SGCZ: variants seen among roughly 807,000 people sequenced by gnomAD.
SGCZ encodes zeta-sarcoglycan.
In SGCZ, 40 loss-of-function variants were observed where a neutral mutation model predicts 41.3. The ratio of observed to expected loss-of-function variants is 0.97; its 90% CI spans 0.75 to 1.26. The LOEUF (loss-of-function observed/expected upper bound fraction) is 1.26, where lower values mean the gene tolerates loss of function less well. Ranked by LOEUF, SGCZ falls within the 50% of genes most tolerant of loss-of-function variation. The pLI, the probability that SGCZ is intolerant of heterozygous loss-of-function variation, is 0.00. For synonymous variants in SGCZ, 206 were observed against 137.5 expected (o/e 1.50, Z -3.49); for missense variants, 552 against 369.8 (o/e 1.49, Z -4.04).
intron 1 of SGCZ, among the ~76,000 whole-genome samples, chr8:14,878,251 G>A (rs771725528): frequency 7.5e-5 from 11 of 147,550 alleles, no homozygotes; most frequent in Non-Finnish European, 1.5e-4. Context: ...AAGACAATTC[G>A]ACACTTACTA....
intron 7 of SGCZ, among the ~76,000 whole-genome samples, chr8:14,096,364 A>T (rs555436727): frequency 3.8e-4 from 57 of 151,394 alleles, no homozygotes; most frequent in African/African-American, 1.3e-3. Flanking sequence ...AGATAAACAG[A>T]ACCAATGACA....
chr8:15,173,449 C>G (rs1213534586), intron 1 of SGCZ, among the ~76,000 whole-genome samples: 3 of 152,100 alleles, frequency 2.0e-5, no homozygotes, highest in Non-Finnish European at 4.4e-5. Context: ...AACATAATAC[C>G]TGGCACATAT....
intron 1 of SGCZ, among the ~76,000 whole-genome samples, chr8:14,803,339 G>A (rs984564699): frequency 1.6e-4 from 25 of 152,080 alleles, no homozygotes; most frequent in Non-Finnish European, 2.2e-4. Flanking sequence ...ACTAGGGAGT[G>A]CCAGACAGTG....
At chr8:14,806,062 C>T (rs1272149131) in intron 1 of SGCZ, among the ~76,000 whole-genome samples, 19 of 151,790 alleles carry the variant, frequency 1.3e-4, no homozygotes, top group Non-Finnish European at 2.2e-4. Flanking sequence ...ACCAGAATCT[C>T]TGGGACGCAT....
In SGCZ at chr8:14,996,093, C is replaced by T. The variant is rs1022520995; in HGVS notation, c.39+241492G>A. 5.9e-5 allele frequency among the ~76,000 whole-genome samples: 9 copies of T among 152,078 alleles called. No homozygotes were observed. The East Asian group carries it at 1.4e-3, about 23-fold the overall frequency. On this transcript the variant is annotated intron_variant, in intron 1 of 7. Transcript: ENST00000382080. ...TAATTTTTTGTGTTTTTAGTAGAGA[C>T]GGGGTTTCACCATGTTAGCCAGGAT...
chr8:14,454,815 C>G (rs189223348), intron 2 of SGCZ, among the ~76,000 whole-genome samples: 1 of 152,176 alleles, frequency 6.6e-6, no homozygotes, highest in East Asian at 1.9e-4. Context: ...GCTGGAGCAA[C>G]TAAGTAGCCA....
intron 1 of SGCZ, among the ~76,000 whole-genome samples, chr8:14,768,004 G>C (rs559363406): frequency 6.6e-6 from 1 of 152,152 alleles, no homozygotes; most frequent in Non-Finnish European, 1.5e-5. Flanking sequence ...GTAATATGCC[G>C]AGTAGCCTTC....
At chr8:14,531,783 G>C (rs1803141063) in intron 2 of SGCZ, among the ~76,000 whole-genome samples, 1 of 151,836 alleles carries the variant, frequency 6.6e-6, no homozygotes, top group South Asian at 2.1e-4. Context: ...AAACTTCTAA[G>C]ACCATCCACT....
chr8:14,531,660 G>C (rs569325674), intron 2 of SGCZ, among the ~76,000 whole-genome samples: 5 of 152,138 alleles, frequency 3.3e-5, no homozygotes, highest in Non-Finnish European at 7.4e-5. Context: ...AGAGTAACTT[G>C]ATATATGTCA....
intron 1 of SGCZ, among the ~76,000 whole-genome samples, chr8:15,215,916 C>T (rs898700052): frequency 9.9e-5 from 15 of 152,134 alleles, no homozygotes; most frequent in African/African-American, 3.4e-4. Context: ...ACATCAACTT[C>T]TGGAATGCAT....
chr8:15,005,896 T>G (rs924853164), intron 1 of SGCZ, among the ~76,000 whole-genome samples: 1 of 152,244 alleles, frequency 6.6e-6, no homozygotes, highest in Admixed American at 6.5e-5. Context: ...CTGTGCTATT[T>G]TATTTTAATT....
intron 2 of SGCZ, among the ~76,000 whole-genome samples, chr8:14,526,402 A>G (rs889429175): frequency 5.9e-5 from 9 of 152,132 alleles, no homozygotes; most frequent in Non-Finnish European, 1.2e-4. Flanking sequence ...AGCTTAACAA[A>G]AATGATTAGG....
intron 4 of SGCZ, among the ~76,000 whole-genome samples, chr8:14,201,642 A>T (rs184650970): frequency 7.9e-4 from 120 of 152,306 alleles, no homozygotes; most frequent in South Asian, 2.7e-3. Flanking sequence ...AGTGGATGCT[A>T]GGTTTGACTA....
At chr8:14,456,972 G>C (rs1285945318) in intron 2 of SGCZ, among the ~76,000 whole-genome samples, 1 of 152,136 alleles carries the variant, frequency 6.6e-6, no homozygotes, top group African/African-American at 2.4e-5. Flanking sequence ...TGTAAGCCTT[G>C]TGAGGCCTCC....
intron 6 of SGCZ, among the ~76,000 whole-genome samples, chr8:14,102,805 A>C: frequency 6.6e-6 from 1 of 152,144 alleles, no homozygotes; most frequent in East Asian, 1.9e-4. Flanking sequence ...AATGCTCATG[A>C]AAAGTAGGGT....
At chr8:15,089,850 A>G (rs1197658191) in intron 1 of SGCZ, among the ~76,000 whole-genome samples, 1 of 152,180 alleles carries the variant, frequency 6.6e-6, no homozygotes, top group African/African-American at 2.4e-5. Flanking sequence ...GTCTTAACTG[A>G]TGGATGAACT....
At chr8:14,637,153 A>G (rs1585143895) in intron 1 of SGCZ, among the ~76,000 whole-genome samples, 1 of 151,560 alleles carries the variant, frequency 6.6e-6, no homozygotes, top group African/African-American at 2.4e-5. Flanking sequence ...CTACCCATAT[A>G]TGTGAAGGAG....
intron 2 of SGCZ, among the ~76,000 whole-genome samples, chr8:14,378,052 G>A (rs1359017318): frequency 1.3e-5 from 2 of 149,512 alleles, no homozygotes; most frequent in Non-Finnish European, 3.0e-5. Context: ...CCCAGTAATG[G>A]GATGGCTGGG....
intron 1 of SGCZ, among the ~76,000 whole-genome samples, chr8:15,111,345 G>A (rs1395762484): frequency 6.6e-6 from 1 of 152,132 alleles, no homozygotes; most frequent in Non-Finnish European, 1.5e-5. Context: ...AGATGAAGAG[G>A]GAAAGTGCCT....
Sources: allele counts gnomAD v4.1 joint callset (sites outside exome capture counted in the v4.1 genomes callset), GRCh38; gene constraint gnomAD v4.1.1; transcripts MANE v1.5; gene names NCBI Gene and HGNC (gene_info 2026-07-23, HGNC 2026-07-21).